Variants in AKAP19 observed in about 807,000 individuals in gnomAD.
AKAP19 encodes the protein small A-kinase anchoring protein.
At chr2:190,105,345 A>G in the AKAP19 span, among the ~76,000 whole-genome samples, 4 of 152,218 alleles carry the variant, frequency 2.6e-5, no homozygotes, top group African/African-American at 9.6e-5. Flanking sequence ...TTGTATGAAT[A>G]CCATAATTAC....
chr2:190,145,858 A>AATATATATATAACTATAT, the AKAP19 span, among the ~76,000 whole-genome samples: 1 of 141,524 alleles, frequency 7.1e-6, no homozygotes, highest in African/African-American at 2.6e-5. Context: ...TATAAAAAGA[A>AATATATATATAACTATAT]ATATATATAT....
the AKAP19 span, among the ~76,000 whole-genome samples, chr2:189,948,953 G>A: frequency 1.3e-5 from 2 of 151,652 alleles, no homozygotes; most frequent in African/African-American, 4.8e-5. Flanking sequence ...TTCTTATGTG[G>A]TTTTATTTTA....
the AKAP19 span, chr2:190,057,172 C>T: frequency 1.4e-5 from 21 of 1,451,852 alleles, no homozygotes; most frequent in Non-Finnish European, 2.0e-5. Flanking sequence ...AGGCCTATAG[C>T]CTGTGGTACT....
At chr2:190,080,780 T>C in the AKAP19 span, among the ~76,000 whole-genome samples, 5 of 152,332 alleles carry the variant, frequency 3.3e-5, no homozygotes, top group South Asian at 1.0e-3. Context: ...ATAGATTTTG[T>C]TGTCAGAATG....
At chr2:190,101,052 G>C in the AKAP19 span, among the ~76,000 whole-genome samples, 1 of 152,224 alleles carries the variant, frequency 6.6e-6, no homozygotes, top group African/African-American at 2.4e-5. Context: ...ATCAGGAAAA[G>C]CTGCAGTCAA....
At chr2:190,080,979 G>A in the AKAP19 span, among the ~76,000 whole-genome samples, 2 of 152,134 alleles carry the variant, frequency 1.3e-5, no homozygotes, top group Non-Finnish European at 2.9e-5. Context: ...TAGGGGATCA[G>A]GTTCAGGCAA....
At chr2:190,192,490 G>GTGTGTATC in the AKAP19 span, among the ~76,000 whole-genome samples, 1 of 144,302 alleles carries the variant, frequency 6.9e-6, no homozygotes, top group Non-Finnish European at 1.5e-5. Context: ...GTGTGTGTGT[G>GTGTGTATC]TATCTATATA....
the AKAP19 span, among the ~76,000 whole-genome samples, chr2:189,911,295 T>C: frequency 6.6e-6 from 1 of 152,152 alleles, no homozygotes; most frequent in African/African-American, 2.4e-5. Context: ...GTTATAATTA[T>C]GTATTTGTTA....
the AKAP19 span, among the ~76,000 whole-genome samples, chr2:190,112,780 C>T: frequency 1.3e-5 from 2 of 152,172 alleles, no homozygotes; most frequent in East Asian, 1.9e-4. Flanking sequence ...TGCATCTATG[C>T]TTATATGTGA....
the AKAP19 span, among the ~76,000 whole-genome samples, chr2:190,074,953 A>T: frequency 6.6e-6 from 1 of 152,196 alleles, no homozygotes; most frequent in African/African-American, 2.4e-5. Context: ...ATTCTTAAGC[A>T]TGTAAATGTG....
At chr2:190,075,638 A>G in the AKAP19 span, among the ~76,000 whole-genome samples, 7 of 152,300 alleles carry the variant, frequency 4.6e-5, no homozygotes, top group East Asian at 3.9e-4. Flanking sequence ...TTTGTCTGAC[A>G]TTAATATAGC....
chr2:189,910,610 C>T, the AKAP19 span, among the ~76,000 whole-genome samples: 39 of 151,816 alleles, frequency 2.6e-4, no homozygotes, highest in South Asian at 8.3e-4. Context: ...TTCTCTCTCT[C>T]CCCCCACCAC....
chr2:190,141,406 T>C, the AKAP19 span, among the ~76,000 whole-genome samples: 3 of 152,136 alleles, frequency 2.0e-5, no homozygotes, highest in Admixed American at 6.6e-5. Flanking sequence ...TGAGACTGGG[T>C]AATTTATAAA....
chr2:190,165,567 T>C, the AKAP19 span, among the ~76,000 whole-genome samples: 1 of 152,006 alleles, frequency 6.6e-6, no homozygotes, highest in African/African-American at 2.4e-5. Flanking sequence ...CTGAAGACAA[T>C]TTATAGAACT....
chr2:190,050,594 G>A, the AKAP19 span, among the ~76,000 whole-genome samples: 216 of 152,194 alleles, frequency 1.4e-3, no homozygotes, highest in African/African-American at 5.1e-3. Flanking sequence ...TTAATAATGT[G>A]GTTTATTAAG....
the AKAP19 span, among the ~76,000 whole-genome samples, chr2:189,941,088 G>A: frequency 1.3e-5 from 2 of 152,142 alleles, no homozygotes; most frequent in African/African-American, 2.4e-5. Context: ...AGGAGGAAGT[G>A]TAGTGACATT....
chr2:189,929,598 C>T, the AKAP19 span, among the ~76,000 whole-genome samples: 1 of 151,634 alleles, frequency 6.6e-6, no homozygotes, highest in Non-Finnish European at 1.5e-5. Flanking sequence ...TCTCAGTTTG[C>T]TTACAAGCTA....
At chr2:190,046,446 T>C in the AKAP19 span, among the ~76,000 whole-genome samples, 1 of 152,240 alleles carries the variant, frequency 6.6e-6, no homozygotes, top group East Asian at 1.9e-4. Context: ...TCATTTCTAA[T>C]TGAATTCATT....
the AKAP19 span, among the ~76,000 whole-genome samples, chr2:190,045,133 C>T: frequency 6.6e-6 from 1 of 152,116 alleles, no homozygotes; most frequent in Admixed American, 6.5e-5. Flanking sequence ...AAATCTCTAT[C>T]AGCCAGAGGA....
Sources: allele counts gnomAD v4.1 joint callset (sites outside exome capture counted in the v4.1 genomes callset), GRCh38; gene constraint gnomAD v4.1.1; transcripts MANE v1.5; gene names NCBI Gene and HGNC (gene_info 2026-07-23, HGNC 2026-07-21).